SEPTIN6: variants seen among roughly 807,000 people sequenced by gnomAD.
SEPTIN6 encodes the protein septin 6.
Under a neutral mutation model 33.6 loss-of-function variants are expected in SEPTIN6, and 8 were observed. The ratio of observed to expected loss-of-function variants is 0.24; its 90% CI spans 0.14 to 0.43. The LOEUF (loss-of-function observed/expected upper bound fraction) is 0.43, where lower values mean the gene tolerates loss of function less well. Ranked by LOEUF, SEPTIN6 falls within the 20% of genes least tolerant of loss-of-function variation. The pLI, the probability that SEPTIN6 is intolerant of heterozygous loss-of-function variation, is 1.00. For missense variants in SEPTIN6, 250 were observed against 340.8 expected, an observed-to-expected ratio of 0.73 and a Z score of 2.10; for synonymous variants, 131 against 140.0, an observed-to-expected ratio of 0.94 and a Z score of 0.45.
rs180801736 is a variant in SEPTIN6 at position 119,635,443 on chromosome X, G to A, written c.956+1584C>T. On this transcript the variant is annotated intron_variant, in intron 7 of 10. Transcript: ENST00000394610. ...AGCAGAGGCTCTAGGAAAGAATCCCGGGGGGTATATCAACATTTAAAGGAG... is the reference window on the plus strand; with the variant it reads ...AGCAGAGGCTCTAGGAAAGAATCCCAGGGGGTATATCAACATTTAAAGGAG... 3.3e-3 allele frequency among the ~76,000 whole-genome samples: 363 copies of A among 110,894 alleles called. 3 individuals carry two copies. The highest frequency in any genetic ancestry group is 0.011 in the African/African-American group (348 of 30,510).
chrX:119,660,928 T>G (rs2054526930), intron 3 of SEPTIN6, among the ~76,000 whole-genome samples: 1 of 103,293 alleles, frequency 9.7e-6, no homozygotes, highest in African/African-American at 3.6e-5. Context: ...TAATTCCACC[T>G]ACTCTCGGGA....
intron 3 of SEPTIN6, among the ~76,000 whole-genome samples, chrX:119,663,154 A>G (rs2054575622): frequency 2.7e-5 from 3 of 112,107 alleles, no homozygotes; most frequent in Non-Finnish European, 3.8e-5. Flanking sequence ...GCAGAGACTA[A>G]GCCATTCCTT....
rs944448384 is a variant in SEPTIN6 at position 119,636,940 on chromosome X, G to A, written c.956+87C>T. 4 of 1,080,262 alleles carry A rather than the reference G, an allele frequency of 3.7e-6. No homozygotes were observed. In the African/African-American group the frequency reaches 7.4e-5, roughly 20 times the overall value. The allele number at this position is 1,080,262 out of a possible 1,213,427, so 89.0% of individuals were successfully genotyped here. On this transcript the variant is annotated intron_variant, in intron 7 of 10. Transcript: ENST00000394610. The stretch of plus-strand genomic sequence containing the variant: ...TTAGCACCCGTGTCTCGCCTCCCCT[G>A]TGAATTCTCCAGGGGAAGGCTTCCA...
chrX:119,650,885 G>A (rs1390015601), intron 4 of SEPTIN6, among the ~76,000 whole-genome samples: 2 of 111,874 alleles, frequency 1.8e-5, no homozygotes, highest in Non-Finnish European at 3.8e-5. Context: ...AAGTATAAAT[G>A]CCCAATTTCA....
At chrX:119,676,808 T>C (rs1230564683) in intron 1 of SEPTIN6, among the ~76,000 whole-genome samples, 1 of 111,640 alleles carries the variant, frequency 9.0e-6, no homozygotes, top group East Asian at 2.8e-4. Flanking sequence ...CTAGAGCATT[T>C]TGAGGACCTA....
rs2053693236 is a variant in SEPTIN6 at position 119,618,059 on chromosome X, A to C, written c.*2034T>G. ...TGAATTTCTGGGAAAGCAGCTCTGA[A>C]GCTGGACATAGAATCATCAAAGTTG... On this transcript the variant is annotated 3_prime_UTR_variant, in exon 11 of 11. Coordinates refer to ENST00000394610, the MANE Select transcript of SEPTIN6 (RefSeq NM_145799.4). 5 of 803,951 alleles carry C rather than the reference A, an allele frequency of 6.2e-6. No individual in the cohort carries two copies. Among genetic ancestry groups the C allele is most frequent in the Non-Finnish European group, 7.5e-6 (5 of 671,029 alleles). The allele number at this position is 803,951 out of a possible 1,213,427, so 66.3% of individuals were successfully genotyped here. A position where few individuals can be genotyped will look rare whatever the true frequency, so the allele number is the denominator to read the frequency against.
At position 119,618,845 on chromosome X, in the gene SEPTIN6, C is replaced by T; in HGVS notation, c.*1248G>A. On this transcript the variant is annotated 3_prime_UTR_variant, in exon 11 of 11. Transcript: ENST00000394610. ...CCACAGATCATTGCCAGGTCAACTC[C>T]ATCTCTCACACTGTCACTGGCCAAA... The T allele has an allele frequency of 1.7e-6, 2 of 1,205,336 alleles. No individual in the cohort carries two copies. Among genetic ancestry groups the T allele is most frequent in the Non-Finnish European group, 2.2e-6 (2 of 892,206 alleles).
chrX:119,642,041 C>T (rs1390852958), intron 5 of SEPTIN6, among the ~76,000 whole-genome samples: 1 of 110,575 alleles, frequency 9.0e-6, no homozygotes, highest in Non-Finnish European at 1.9e-5. Flanking sequence ...CCGGAGAGTG[C>T]ACAGTGTGCC....
intron 6 of SEPTIN6, among the ~76,000 whole-genome samples, chrX:119,639,741 A>G (rs1385798556): frequency 9.0e-6 from 1 of 111,312 alleles, no homozygotes; most frequent in Non-Finnish European, 1.9e-5. Flanking sequence ...ATGCATTCCT[A>G]AGAATATATA....
intron 1 of SEPTIN6, among the ~76,000 whole-genome samples, chrX:119,687,858 T>C (rs769098319): frequency 8.9e-6 from 1 of 112,414 alleles, no homozygotes; most frequent in East Asian, 2.8e-4. Context: ...TGACTGCAGA[T>C]CAAAATCTCA....
chrX:119,621,036 T>A (rs1467194489), intron 10 of SEPTIN6, among the ~76,000 whole-genome samples: 2 of 93,633 alleles, frequency 2.1e-5, no homozygotes, highest in African/African-American at 8.0e-5. Flanking sequence ...CTTCCACAAA[T>A]CTCTAAGTGG....
At chrX:119,644,947 G>A (rs1217634574) in intron 5 of SEPTIN6, among the ~76,000 whole-genome samples, 3 of 104,282 alleles carry the variant, frequency 2.9e-5, no homozygotes, top group African/African-American at 7.0e-5. Flanking sequence ...CGCTCTTGTT[G>A]CCCAGGCTGG....
chrX:119,669,925 G>A (rs1436857829), intron 2 of SEPTIN6, among the ~76,000 whole-genome samples: 2 of 111,695 alleles, frequency 1.8e-5, no homozygotes, highest in Non-Finnish European at 3.8e-5. Context: ...ATCCTGAGCA[G>A]CTTCAAAGTA....
intron 3 of SEPTIN6, among the ~76,000 whole-genome samples, chrX:119,655,954 AGTT>A (rs2054436008): frequency 8.9e-6 from 1 of 112,255 alleles, no homozygotes; most frequent in African/African-American, 3.2e-5. Flanking sequence ...TTCCCATTCC[AGTT>A]GTTGTAAATA....
intron 5 of SEPTIN6, among the ~76,000 whole-genome samples, chrX:119,644,431 A>T (rs943102378): frequency 2.1e-4 from 23 of 111,481 alleles, no homozygotes; most frequent in East Asian, 1.1e-3. Flanking sequence ...TTTATTCCTC[A>T]TAGTTCTGGA....
At chrX:119,651,286 A>G (rs1322640039) in intron 4 of SEPTIN6, among the ~76,000 whole-genome samples, 2 of 112,282 alleles carry the variant, frequency 1.8e-5, no homozygotes, top group Non-Finnish European at 3.8e-5. Flanking sequence ...GAAGTCTTTC[A>G]GGGGCAGAAG....
downstream of SEPTIN6, chrX:119,616,604 A>ATG: frequency 1.3e-6 from 1 of 750,048 alleles, no homozygotes; most frequent in Non-Finnish European, 2.1e-6. Flanking sequence ...GGTGTGGTGT[A>ATG]TGTGTGTGTG....
downstream of SEPTIN6, chrX:119,616,124 G>A: frequency 5.2e-6 from 1 of 193,105 alleles, no homozygotes; most frequent in Non-Finnish European, 9.8e-6. Context: ...GTGGAATGGA[G>A]TAATTTTGCC....
At position 119,619,044 on chromosome X, in the gene SEPTIN6, C is replaced by T. The variant is rs775266435; in HGVS notation, c.*1049G>A. ...TTAAGGGCCTTTTCTTCTCTCCGGCCGAGTCTCATCTCTTCTTATTGGGGG... is the reference window on the plus strand; with the variant it reads ...TTAAGGGCCTTTTCTTCTCTCCGGCTGAGTCTCATCTCTTCTTATTGGGGG... On this transcript the variant is annotated 3_prime_UTR_variant, in exon 11 of 11. Transcript: ENST00000394610. The T allele has an allele frequency of 1.8e-4, 167 of 941,300 alleles. No individual in the cohort carries two copies. The highest frequency in any genetic ancestry group is 2.1e-4 in the Non-Finnish European group (157 of 757,672). The allele number at this position is 941,300 out of a possible 1,213,427, so 77.6% of individuals were successfully genotyped here.
Sources: allele counts gnomAD v4.1 joint callset (sites outside exome capture counted in the v4.1 genomes callset), GRCh38; gene constraint gnomAD v4.1.1; transcripts MANE v1.5; gene names NCBI Gene and HGNC (gene_info 2026-07-23, HGNC 2026-07-21).